Variants in ACOXL observed in about 807,000 individuals in gnomAD.
ACOXL encodes the protein acyl-coenzyme A oxidase-like protein.
In ACOXL, 70 loss-of-function variants were observed where a neutral mutation model predicts 71.9. That is an observed-to-expected ratio of 0.97 (90% CI 0.80 to 1.19). ACOXL has a LOEUF of 1.19. Among genes scored for constraint, ACOXL ranks in the 50% most tolerant of loss-of-function variants. The pLI is 0.00. For synonymous variants in ACOXL, 253 were observed against 281.6 expected (o/e 0.90, Z 1.02); for missense variants, 703 against 736.3 (o/e 0.95, Z 0.52).
chr2:110,790,043 T>A (rs924888887), intron 3 of ACOXL, among the ~76,000 whole-genome samples: 2 of 152,208 alleles, frequency 1.3e-5, no homozygotes, highest in Non-Finnish European at 2.9e-5. Flanking sequence ...GTACCTTAGC[T>A]TTCTCCTCCC....
At chr2:111,074,113 G>A (rs1336755141) in intron 16 of ACOXL, among the ~76,000 whole-genome samples, 4 of 148,162 alleles carry the variant, frequency 2.7e-5, no homozygotes, top group Non-Finnish European at 4.4e-5. Flanking sequence ...TGCTAAGCTC[G>A]TTATTAGTTC....
chr2:110,983,781 CAT>C (rs1345586667), intron 12 of ACOXL, among the ~76,000 whole-genome samples: 3 of 152,150 alleles, frequency 2.0e-5, no homozygotes, highest in Non-Finnish European at 4.4e-5. Flanking sequence ...AGAACTAAAA[CAT>C]GTAATGAATA....
chr2:111,079,192 T>C (rs1574692733), intron 16 of ACOXL, among the ~76,000 whole-genome samples: 1 of 152,346 alleles, frequency 6.6e-6, no homozygotes, highest in Non-Finnish European at 1.5e-5. Flanking sequence ...GGGTATTCAG[T>C]AGGGTATTCA....
intron 14 of ACOXL, among the ~76,000 whole-genome samples, chr2:111,008,441 C>T (rs1450432136): frequency 6.6e-6 from 1 of 152,116 alleles, no homozygotes; most frequent in Non-Finnish European, 1.5e-5. Flanking sequence ...TTCTTTCACA[C>T]ATAGAGATCT....
At chr2:110,898,422 A>G (rs1394654382) in intron 10 of ACOXL, among the ~76,000 whole-genome samples, 1 of 152,230 alleles carries the variant, frequency 6.6e-6, no homozygotes, top group Non-Finnish European at 1.5e-5. Context: ...CCAGAGATGG[A>G]ATGCTGGTTT....
chr2:110,862,225 G>T (rs558774193), intron 10 of ACOXL, among the ~76,000 whole-genome samples: 23 of 152,278 alleles, frequency 1.5e-4, no homozygotes, highest in Admixed American at 5.2e-4. Context: ...GGGAAAGCTG[G>T]TGCTTCCCTG....
intron 12 of ACOXL, among the ~76,000 whole-genome samples, chr2:110,975,084 T>C (rs192759535): frequency 1.5e-4 from 23 of 152,228 alleles, no homozygotes; most frequent in Middle Eastern, 6.8e-3. Flanking sequence ...CCCAGTGTAG[T>C]TTCTATCAAA....
chr2:110,840,921 A>G (rs1691092553), intron 9 of ACOXL, among the ~76,000 whole-genome samples: 1 of 152,128 alleles, frequency 6.6e-6, no homozygotes, highest in East Asian at 1.9e-4. Context: ...TGGTGCTCCT[A>G]GGGTAGGAGA....
chr2:111,039,818 A>G (rs1992262), intron 15 of ACOXL, among the ~76,000 whole-genome samples: 103,635 of 152,118 alleles, frequency 0.68, 35,869 homozygotes, highest in African/African-American at 0.8. Context: ...GCTGGCTTCT[A>G]ACCAGTTCTT....
chr2:110,814,163 A>C (rs1489187781), intron 9 of ACOXL, among the ~76,000 whole-genome samples: 1 of 152,240 alleles, frequency 6.6e-6, no homozygotes, highest in Non-Finnish European at 1.5e-5. Context: ...CATTTCACTC[A>C]GACTGGGATT....
Position 110,779,891 on chromosome 2 carries a change from G to A in ACOXL, c.76-4841G>A, listed in dbSNP as rs775744246. 2.1e-3 allele frequency among the ~76,000 whole-genome samples: 327 copies of A among 152,308 alleles called. 4 individuals are homozygous for A. Among genetic ancestry groups the A allele is most frequent in the Non-Finnish European group, 1.4e-3 (98 of 68,028 alleles). On this transcript the variant is annotated intron_variant, in intron 2 of 17. Coordinates refer to ENST00000439055, the MANE Select transcript of ACOXL (RefSeq NM_001142807.4). ...AGAGGAGAATGTCCTATTAGGATAG[G>A]CAGGGGTTCTTAGAGGAGACTCAAA... is the stretch of plus-strand genomic sequence containing the variant.
chr2:111,011,932 G>C (rs1401987659), intron 14 of ACOXL, among the ~76,000 whole-genome samples: 1 of 142,406 alleles, frequency 7.0e-6, no homozygotes, highest in Non-Finnish European at 1.5e-5. Flanking sequence ...GATAAAGAAA[G>C]TCATTTTTTG....
chr2:110,914,770 G>A (rs535370317), intron 11 of ACOXL, among the ~76,000 whole-genome samples: 41 of 152,240 alleles, frequency 2.7e-4, no homozygotes, highest in Non-Finnish European at 5.7e-4. Flanking sequence ...GTGAAAATGC[G>A]TTCAGTATTT....
chr2:110,945,590 C>T (rs2061071400), intron 12 of ACOXL, among the ~76,000 whole-genome samples: 1 of 152,082 alleles, frequency 6.6e-6, no homozygotes. Context: ...CAGCATTTAT[C>T]GAATAGACAG....
intron 10 of ACOXL, among the ~76,000 whole-genome samples, chr2:110,856,797 C>T (rs143134644): frequency 5.9e-5 from 9 of 152,184 alleles, no homozygotes; most frequent in South Asian, 4.2e-4. Flanking sequence ...AATGTATCCC[C>T]GGTACAGAAG....
intron 14 of ACOXL, among the ~76,000 whole-genome samples, chr2:111,000,119 T>G (rs563248279): frequency 6.6e-6 from 1 of 152,292 alleles, no homozygotes; most frequent in East Asian, 1.9e-4. Context: ...CTAAAGTACC[T>G]TGACGAAATT....
intron 17 of ACOXL, among the ~76,000 whole-genome samples, chr2:111,115,824 C>A (rs2070311385): frequency 6.6e-6 from 1 of 152,200 alleles, no homozygotes; most frequent in Non-Finnish European, 1.5e-5. Context: ...CATTGGAGGG[C>A]ACACTCCCTG....
chr2:110,749,796 T>A (rs1678686933), intron 1 of ACOXL, among the ~76,000 whole-genome samples: 2 of 152,196 alleles, frequency 1.3e-5, no homozygotes, highest in African/African-American at 4.8e-5. Flanking sequence ...CCACTGGTGG[T>A]CGATTTCTGC....
intron 1 of ACOXL, among the ~76,000 whole-genome samples, chr2:110,733,271 A>G (rs1447821813): frequency 1.3e-5 from 2 of 152,074 alleles, no homozygotes; most frequent in Non-Finnish European, 1.5e-5. Flanking sequence ...ACCCCCTCGG[A>G]GTGCAGGTGT....
Sources: allele counts gnomAD v4.1 joint callset (sites outside exome capture counted in the v4.1 genomes callset), GRCh38; gene constraint gnomAD v4.1.1; transcripts MANE v1.5; gene names NCBI Gene and HGNC (gene_info 2026-07-23, HGNC 2026-07-21).